Variants in ADGRB3 observed in about 807,000 individuals in gnomAD.
ADGRB3 encodes brain-specific angiogenesis inhibitor 3.
Under a neutral mutation model 193.4 loss-of-function variants are expected in ADGRB3, and 37 were observed. That is an observed-to-expected ratio of 0.19 (90% CI 0.15 to 0.25). ADGRB3 has a LOEUF of 0.25. Among genes scored for constraint, ADGRB3 ranks in the 10% least tolerant of loss-of-function variants. The pLI, the probability that ADGRB3 is intolerant of heterozygous loss-of-function variation, is 1.00. For missense variants in ADGRB3, 1,637 were observed against 1,852.9 expected, an observed-to-expected ratio of 0.88 and a Z score of 2.14; for synonymous variants, 690 against 644.2, an observed-to-expected ratio of 1.07 and a Z score of -1.08.
At chr6:69,095,988 G>T (rs1045205035) in intron 17 of ADGRB3, among the ~76,000 whole-genome samples, 2 of 152,268 alleles carry the variant, frequency 1.3e-5, no homozygotes, top group African/African-American at 4.8e-5. Flanking sequence ...AAGACCAGAG[G>T]CCTAGAATAC....
intron 17 of ADGRB3, among the ~76,000 whole-genome samples, chr6:69,159,866 A>G (rs1424482094): frequency 2.0e-5 from 3 of 152,156 alleles, no homozygotes; most frequent in African/African-American, 7.2e-5. Context: ...AAATTCCAGA[A>G]CCTATAATGC....
chr6:68,762,831 G>A (rs183040532), intron 3 of ADGRB3, among the ~76,000 whole-genome samples: 22 of 152,164 alleles, frequency 1.4e-4, no homozygotes, highest in Admixed American at 1.3e-3. Flanking sequence ...AACCTGCTAA[G>A]TGAATTATTT....
chr6:69,055,989 C>T (rs546087888), intron 15 of ADGRB3, among the ~76,000 whole-genome samples: 1 of 152,092 alleles, frequency 6.6e-6, no homozygotes, highest in African/African-American at 2.4e-5. Flanking sequence ...TACTATCACG[C>T]CTGGCTAATT....
intron 3 of ADGRB3, among the ~76,000 whole-genome samples, chr6:68,867,424 G>T (rs1488749154): frequency 6.6e-6 from 1 of 152,220 alleles, no homozygotes; most frequent in Non-Finnish European, 1.5e-5. Context: ...GAAACACCTG[G>T]ATATCCAGGC....
intron 3 of ADGRB3, among the ~76,000 whole-genome samples, chr6:68,748,363 A>G (rs1467937943): frequency 6.6e-6 from 1 of 152,188 alleles, no homozygotes; most frequent in Admixed American, 6.5e-5. Context: ...TCCTAGATAT[A>G]ATGGCGGTAC....
intron 3 of ADGRB3, among the ~76,000 whole-genome samples, chr6:68,855,125 A>C (rs1477569434): frequency 6.6e-6 from 1 of 152,016 alleles, no homozygotes; most frequent in Non-Finnish European, 1.5e-5. Flanking sequence ...GCATTATTAC[A>C]TTGTCCCTTT....
chr6:69,249,974 T>C (rs1287878009), intron 20 of ADGRB3, among the ~76,000 whole-genome samples: 1 of 152,164 alleles, frequency 6.6e-6, no homozygotes, highest in African/African-American at 2.4e-5. Context: ...GAATCAAAGA[T>C]TAAGACTTCA....
chr6:68,754,770 G>T (rs182950952), intron 3 of ADGRB3, among the ~76,000 whole-genome samples: 60 of 151,836 alleles, frequency 4.0e-4, no homozygotes, highest in Non-Finnish European at 6.6e-4. Flanking sequence ...AAAGGTTGAA[G>T]ATATCAACAT....
chr6:68,952,012 G>T (rs1325914928), intron 6 of ADGRB3, among the ~76,000 whole-genome samples: 1 of 152,016 alleles, frequency 6.6e-6, no homozygotes, highest in Non-Finnish European at 1.5e-5. Context: ...AAGAAATAGA[G>T]ATATATAATA....
chr6:68,749,776 G>A (rs971360541), intron 3 of ADGRB3, among the ~76,000 whole-genome samples: 5 of 151,956 alleles, frequency 3.3e-5, no homozygotes, highest in Admixed American at 3.3e-4. Context: ...TACTGAAGAG[G>A]AAGTCAAAAT....
chr6:68,878,424 T>TAA (rs1392092931), intron 3 of ADGRB3, among the ~76,000 whole-genome samples: 1 of 148,580 alleles, frequency 6.7e-6, no homozygotes, highest in Non-Finnish European at 1.5e-5. Context: ...GGCAAAATTG[T>TAA]AAAAAAAAAA....
At chr6:69,252,979 G>A (rs1016585657) in intron 20 of ADGRB3, among the ~76,000 whole-genome samples, 10 of 151,938 alleles carry the variant, frequency 6.6e-5, no homozygotes, top group Non-Finnish European at 1.5e-4. Context: ...TGTTATATGA[G>A]GTAGGTCTTG....
intron 3 of ADGRB3, among the ~76,000 whole-genome samples, chr6:68,901,908 C>T (rs145045657): frequency 2.0e-5 from 3 of 151,986 alleles, no homozygotes; most frequent in African/African-American, 7.2e-5. Context: ...GTTTTTAAAA[C>T]ATTTGTACAT....
intron 11 of ADGRB3, among the ~76,000 whole-genome samples, chr6:68,994,939 TA>T (rs1255713825): frequency 6.6e-6 from 1 of 152,196 alleles, no homozygotes; most frequent in East Asian, 1.9e-4. Context: ...CAAGACTTTT[TA>T]GAATCATGGA....
chr6:68,855,258 A>G (rs1327106539), intron 3 of ADGRB3, among the ~76,000 whole-genome samples: 5 of 152,156 alleles, frequency 3.3e-5, no homozygotes, highest in African/African-American at 1.2e-4. Context: ...GACAATAAAA[A>G]CTCTGATGTT....
intron 11 of ADGRB3, among the ~76,000 whole-genome samples, chr6:68,996,073 G>A (rs1378009099): frequency 6.6e-6 from 1 of 152,118 alleles, no homozygotes; most frequent in Non-Finnish European, 1.5e-5. Flanking sequence ...TAATTGGCTA[G>A]CAACTCAGGA....
At chr6:69,361,837 A>T (rs1769461731) in intron 29 of ADGRB3, among the ~76,000 whole-genome samples, 1 of 151,808 alleles carries the variant, frequency 6.6e-6, no homozygotes, top group South Asian at 2.1e-4. Flanking sequence ...AAAATAAATA[A>T]ATAAATAAAT....
chr6:69,151,962 T>G (rs1774693099), intron 17 of ADGRB3, among the ~76,000 whole-genome samples: 1 of 152,206 alleles, frequency 6.6e-6, no homozygotes, highest in South Asian at 2.1e-4. Flanking sequence ...TTTCCCCTTT[T>G]GCTTGGCACT....
intron 20 of ADGRB3, among the ~76,000 whole-genome samples, chr6:69,275,468 G>A (rs1767282721): frequency 6.6e-6 from 1 of 151,956 alleles, no homozygotes; most frequent in Non-Finnish European, 1.5e-5. Flanking sequence ...TATGCAAGGC[G>A]TTTTTTAACT....
Sources: allele counts gnomAD v4.1 joint callset (sites outside exome capture counted in the v4.1 genomes callset), GRCh38; gene constraint gnomAD v4.1.1; transcripts MANE v1.5; gene names NCBI Gene and HGNC (gene_info 2026-07-23, HGNC 2026-07-21).